Variants in FAP observed in about 807,000 individuals in gnomAD.
FAP encodes prolyl endopeptidase FAP.
Under a neutral mutation model 126.5 loss-of-function variants are expected in FAP, and 110 were observed. The ratio of observed to expected loss-of-function variants is 0.87; its 90% CI spans 0.74 to 1.02. FAP has a LOEUF of 1.02. FAP is among the 50% of genes least tolerant of loss of function. The pLI is 0.00. For missense variants in FAP, 919 were observed against 909.2 expected (o/e 1.01, Z -0.14); for synonymous variants, 334 against 297.3 (o/e 1.12, Z -1.27).
At chr2:162,196,755 C>A (rs1446946459) in intron 16 of FAP, among the ~76,000 whole-genome samples, 2 of 152,058 alleles carry the variant, frequency 1.3e-5, no homozygotes, top group Non-Finnish European at 2.9e-5. Flanking sequence ...TACTCTTAGT[C>A]CTGAAGGGAA....
chr2:162,195,626 G>A (rs1688226684), intron 16 of FAP, among the ~76,000 whole-genome samples: 1 of 152,034 alleles, frequency 6.6e-6, no homozygotes, highest in African/African-American at 2.4e-5. Context: ...GGGGATGAAG[G>A]GATCTGGCTG....
At chr2:162,192,084 AAT>A (rs1297979867) in intron 17 of FAP, among the ~76,000 whole-genome samples, 1 of 151,950 alleles carries the variant, frequency 6.6e-6, no homozygotes, top group African/African-American at 2.4e-5. Context: ...CTCATACTCA[AAT>A]GTTTATCCTC....
intron 21 of FAP, among the ~76,000 whole-genome samples, chr2:162,183,007 A>T (rs1455026027): frequency 6.6e-6 from 1 of 152,218 alleles, no homozygotes; most frequent in Non-Finnish European, 1.5e-5. Flanking sequence ...CTAGGTACTA[A>T]GGAATTTATA....
chr2:162,191,768 G>T (rs2106230780), intron 17 of FAP, among the ~76,000 whole-genome samples: 1 of 152,190 alleles, frequency 6.6e-6, no homozygotes, highest in East Asian at 1.9e-4. Flanking sequence ...TGTGCCCAAA[G>T]CAACTAAGCT....
At chr2:162,181,724 C>A (rs969268321) in intron 21 of FAP, among the ~76,000 whole-genome samples, 2 of 152,174 alleles carry the variant, frequency 1.3e-5, no homozygotes, top group African/African-American at 2.4e-5. Context: ...CTGTTTCCCC[C>A]ACAAGAGGGC....
intron 2 of FAP, among the ~76,000 whole-genome samples, chr2:162,233,316 C>T (rs6757929): frequency 0.011 from 1,675 of 152,084 alleles, 28 homozygotes; most frequent in African/African-American, 0.039. Flanking sequence ...AACCAACACC[C>T]AGGCCTGCCA....
intron 20 of FAP, among the ~76,000 whole-genome samples, chr2:162,184,130 G>T (rs1687785223): frequency 6.6e-6 from 1 of 152,106 alleles, no homozygotes; most frequent in Non-Finnish European, 1.5e-5. Context: ...CCTCAAAATT[G>T]AGGGTTTCAA....
Position 162,219,904 on chromosome 2 carries a change from CT to C in FAP, c.434del (p.Glu145GlyfsTer18). The C allele has an allele frequency of 6.2e-7, 1 of 1,611,818 alleles. No individual in the cohort carries two copies. The highest frequency in any genetic ancestry group is 1.1e-5 in the South Asian group (1 of 90,922). ...LSNGEFVRGN[E>X]LPRPIQYLCW... ...ATAAATACTGAATTGGACGAGGAAG[CT>C]CATTTCCTCTTACAAATTCTCTAGA... On this transcript the variant is annotated frameshift_variant, in exon 7 of 26. Transcript: ENST00000188790. LOFTEE classifies it high-confidence loss of function.
chr2:162,231,723 C>T (rs192539759), intron 2 of FAP, among the ~76,000 whole-genome samples: 24 of 152,128 alleles, frequency 1.6e-4, no homozygotes, highest in African/African-American at 5.6e-4. Context: ...TTTCTTAAAA[C>T]GTTGTGCTTC....
At chr2:162,212,845 T>C (rs1248499925) in intron 11 of FAP, among the ~76,000 whole-genome samples, 7 of 152,210 alleles carry the variant, frequency 4.6e-5, no homozygotes, top group Non-Finnish European at 7.4e-5. Flanking sequence ...AGAACAGGCT[T>C]ATTTTAAAGC....
At position 162,214,006 on chromosome 2, in the gene FAP, C is replaced by T. The variant is rs1187785781; in HGVS notation, c.934G>A (p.Val312Ile). Residue 312 changes from valine to isoleucine, a missense_variant, in exon 11 of 26, where the codon GTC (valine) becomes ATC (isoleucine). Val to Ile is a conservative substitution (Grantham distance 29). Coordinates refer to ENST00000188790, the MANE Select transcript of FAP (RefSeq NM_004460.5). ...ERVCLQWLKR[V>I]QNVSVLSICD... ...ATAGACAGGACCGAAACATTCTGGA[C>T]TCTTTTTAGCCACTGCAAACATACT... 1.2e-6 allele frequency: 2 copies of T among 1,614,104 alleles called. No homozygotes were observed. The highest frequency in any genetic ancestry group is 1.3e-5 in the African/African-American group (1 of 75,052).
chr2:162,200,585 C>A lies in FAP; in HGVS notation c.1258G>T (p.Gly420Ter), dbSNP rs752244241. Residue 420 changes from glycine to a stop codon, truncating the protein, a stop_gained, in exon 15 of 26, where the codon GGA (glycine) becomes TGA (stop). Transcript: ENST00000188790. LOFTEE classifies it high-confidence loss of function. ...YSSNEFEEYPGRRNIYRISIG... is the reference protein window; with the variant it reads ...YSSNEFEEYP ...AATTACCTGTAGATGTTTCTTCTTC[C>A]AGGGTATTCTTCAAATTCATTGCTA... is the stretch of plus-strand genomic sequence containing the variant. 1.4e-6 allele frequency: 2 copies of A among 1,476,738 alleles called. No individual in the cohort carries two copies. The highest frequency in any genetic ancestry group is 1.9e-6 in the Non-Finnish European group (2 of 1,078,386). 91.5% of individuals were successfully genotyped at this position (1,476,738 alleles called of 1,614,324 possible). A position where few individuals can be genotyped will look rare whatever the true frequency, so the allele number is the denominator to read the frequency against.
At chr2:162,188,127 T>G (rs1469013518) in intron 20 of FAP, 42 bp downstream of exon 20, 1 of 1,487,552 alleles carries the variant, frequency 6.7e-7, no homozygotes, top group Admixed American at 1.7e-5. Context: ...TTGCATGACT[T>G]TTGTTGCATG....
At chr2:162,194,629 T>A (rs1227989960) in intron 17 of FAP, 72 bp downstream of exon 17, 9 of 1,386,772 alleles carry the variant, frequency 6.5e-6, no homozygotes, top group Non-Finnish European at 9.2e-6. Context: ...ACTGTCCTGC[T>A]TTCTCTAGCG....
intron 25 of FAP, 116 bp downstream of exon 25, chr2:162,172,695 T>C: frequency 1.4e-6 from 1 of 693,528 alleles, no homozygotes; most frequent in South Asian, 1.8e-5. Context: ...GCCTACTCTA[T>C]CCTGCAGCCT....
At chr2:162,225,664 A>G (rs1239010335) in intron 3 of FAP, 87 bp from the exon 4 acceptor site, 1 of 1,359,626 alleles carries the variant, frequency 7.4e-7, no homozygotes. Context: ...TATTTCACAG[A>G]CCTACTTTGT....
intron 16 of FAP, chr2:162,197,727 C>T (rs1688309093): frequency 2.3e-6 from 1 of 443,734 alleles, no homozygotes; most frequent in Non-Finnish European, 4.5e-6. Flanking sequence ...ATGAGATCTT[C>T]AGGGCCTCTG....
Position 162,225,680 on chromosome 2 carries a change from C to T in FAP, c.191-103G>A, listed in dbSNP as rs367866250. 7.8e-4 allele frequency: 939 copies of T among 1,206,158 alleles called. 13 individuals carry two copies. In the South Asian group the frequency reaches 0.014, roughly 18 times the overall value. 74.7% of individuals were successfully genotyped at this position (1,206,158 alleles called of 1,614,324 possible). On this transcript the variant is annotated intron_variant, in intron 3 of 25. Coordinates refer to ENST00000188790, the MANE Select transcript of FAP (RefSeq NM_004460.5). ...ATTTCACAGACCTACTTTGTTTTTC[C>T]TCTCTGTCCAGTACATATTGCTTTG...
chr2:162,222,855 C>T (rs1689469712), intron 6 of FAP, among the ~76,000 whole-genome samples: 1 of 152,158 alleles, frequency 6.6e-6, no homozygotes. Context: ...CAGGCCCCTC[C>T]CTCAATTTCA....
Sources: gnomAD v4.1 joint callset for allele counts (sites outside exome capture counted in the v4.1 genomes callset) on GRCh38, gnomAD v4.1.1 for gene constraint, MANE v1.5 for transcripts, NCBI Gene and HGNC (gene_info 2026-07-23, HGNC 2026-07-21) for gene names.